Variants in SH3D19 observed in about 807,000 individuals in gnomAD.
The protein encoded by SH3D19 is SH3 domain containing 19, also known as SH3 domain-containing protein 19.
In SH3D19, 58 loss-of-function variants were observed where a neutral mutation model predicts 112.1. The observed-to-expected ratio is 0.52, with a 90% CI of 0.42 to 0.64. SH3D19 has a LOEUF of 0.64. Ranked by LOEUF, SH3D19 falls within the 30% of genes least tolerant of loss-of-function variation. The pLI is 0.00. For missense variants in SH3D19, 1,090 were observed against 1,263.4 expected (o/e 0.86, Z 2.08); for synonymous variants, 391 against 448.5 (o/e 0.87, Z 1.62).
chr4:151,299,266 G>A (rs1728093955), intron 1 of SH3D19, among the ~76,000 whole-genome samples: 1 of 152,154 alleles, frequency 6.6e-6, no homozygotes, highest in Non-Finnish European at 1.5e-5. Context: ...TTTAAATAAT[G>A]AAAACATTGT....
intron 1 of SH3D19, among the ~76,000 whole-genome samples, chr4:151,320,047 T>C (rs1730383774): frequency 6.6e-6 from 1 of 152,158 alleles, no homozygotes; most frequent in African/African-American, 2.4e-5. Flanking sequence ...AAGAAAATAA[T>C]ACCTACCTCA....
At chr4:151,271,146 G>A (rs1308075356) in intron 1 of SH3D19, among the ~76,000 whole-genome samples, 2 of 152,062 alleles carry the variant, frequency 1.3e-5, no homozygotes, top group Admixed American at 6.6e-5. Context: ...GGCTGGTCTT[G>A]AATTCCTAAG....
chr4:151,215,185 G>A (rs1322893258), intron 2 of SH3D19, among the ~76,000 whole-genome samples: 2 of 152,232 alleles, frequency 1.3e-5, no homozygotes, highest in Non-Finnish European at 2.9e-5. Flanking sequence ...GCCTCCCAAA[G>A]TGTTGCGAAT....
intron 1 of SH3D19, among the ~76,000 whole-genome samples, chr4:151,299,000 A>C (rs1306325073): frequency 6.6e-6 from 1 of 152,096 alleles, no homozygotes; most frequent in Non-Finnish European, 1.5e-5. Flanking sequence ...TCACCCTCTA[A>C]CCTTTCTTCT....
intron 17 of SH3D19, 143 bp from the exon 18 acceptor site, chr4:151,128,499 CTTTATGTTG>C: frequency 3.8e-6 from 2 of 526,034 alleles, no homozygotes; most frequent in South Asian, 4.7e-5. Context: ...TTATCTAATA[CTTTATGTTG>C]CTATCAAGTT....
intron 2 of SH3D19, among the ~76,000 whole-genome samples, chr4:151,221,334 A>G (rs1432687973): frequency 2.1e-5 from 1 of 47,562 alleles, no homozygotes; most frequent in Admixed American, 2.6e-4. Flanking sequence ...CTTTTTGTTT[A>G]TATTTTCTTC....
intron 14 of SH3D19, among the ~76,000 whole-genome samples, chr4:151,135,931 G>A (rs1349745857): frequency 6.6e-6 from 1 of 152,124 alleles, no homozygotes; most frequent in East Asian, 1.9e-4. Context: ...AGCACTCTGG[G>A]AGGATCAGGA....
chr4:151,162,032 C>T (rs1345081867), intron 8 of SH3D19, among the ~76,000 whole-genome samples: 1 of 150,752 alleles, frequency 6.6e-6, no homozygotes, highest in Non-Finnish European at 1.5e-5. Flanking sequence ...TGCTGAACAC[C>T]CAAGTTTGTT....
At chr4:151,194,337 AT>A (rs1763095291) in intron 2 of SH3D19, among the ~76,000 whole-genome samples, 2 of 149,524 alleles carry the variant, frequency 1.3e-5, no homozygotes, top group Admixed American at 1.3e-4. Flanking sequence ...AGTAGGATTA[AT>A]TTTTATGATT....
intron 9 of SH3D19, among the ~76,000 whole-genome samples, chr4:151,150,206 A>AAAATATATAT (rs1273707426): frequency 2.2e-5 from 1 of 46,160 alleles, no homozygotes; most frequent in African/African-American, 7.2e-5. Flanking sequence ...AAAAAAAAAA[A>AAAATATATAT]ATATATATAT....
chr4:151,295,994 C>CCACT (rs1775678785), intron 1 of SH3D19, among the ~76,000 whole-genome samples: 2 of 150,032 alleles, frequency 1.3e-5, no homozygotes, highest in African/African-American at 4.9e-5. Context: ...TGAGATCGTA[C>CCACT]CACTGCACTC....
chr4:151,318,086 A>G (rs1730168681), intron 1 of SH3D19, among the ~76,000 whole-genome samples: 1 of 151,884 alleles, frequency 6.6e-6, no homozygotes, highest in South Asian at 2.1e-4. Flanking sequence ...TCACGAGGTC[A>G]GGAGTTCAAG....
In SH3D19 at chr4:151,120,578, T is replaced by A. The variant is rs1747838413; in HGVS notation, c.*1513A>T. ...ACTTTTGAGTGAAATTTGACAAGAA[T>A]TTTCTTTATACTCTCTTCTTTACCA... On this transcript the variant is annotated 3_prime_UTR_variant, in exon 20 of 20. Coordinates refer to ENST00000604030, the MANE Select transcript of SH3D19 (RefSeq NM_001378122.1). 6.6e-6 allele frequency: 1 copy of A among 152,206 alleles called. No homozygotes were observed. Among genetic ancestry groups the A allele is most frequent in the South Asian group, 2.1e-4 (1 of 4,828 alleles). The allele number at this position is 152,206 out of a possible 1,614,324, so 9.4% of individuals were successfully genotyped here.
intron 1 of SH3D19, among the ~76,000 whole-genome samples, chr4:151,237,350 G>A (rs1770180388): frequency 6.6e-6 from 1 of 151,872 alleles, no homozygotes; most frequent in African/African-American, 2.4e-5. Context: ...CTTTGATTTT[G>A]CATTGCTTAG....
intron 2 of SH3D19, among the ~76,000 whole-genome samples, chr4:151,208,678 T>A (rs1381560395): frequency 1.3e-5 from 1 of 78,130 alleles, no homozygotes; most frequent in South Asian, 4.0e-4. Flanking sequence ...CCCCAGGAAA[T>A]CTCTTTTTTT....
chr4:151,272,763 CTT>C (rs548803369), intron 1 of SH3D19, among the ~76,000 whole-genome samples: 1 of 142,716 alleles, frequency 7.0e-6, no homozygotes, highest in Non-Finnish European at 1.5e-5. Flanking sequence ...TTTCACTTTT[CTT>C]TTTTTTTTTT....
chr4:151,224,168 G>T (rs1249665273), intron 2 of SH3D19, among the ~76,000 whole-genome samples: 1 of 152,122 alleles, frequency 6.6e-6, no homozygotes, highest in Non-Finnish European at 1.5e-5. Context: ...AATTAGCCAG[G>T]CATGGTGGCG....
Position 151,271,594 on chromosome 4 carries a change from C to T in SH3D19, c.113-45508G>A, listed in dbSNP as rs1773228972. On this transcript the variant is annotated intron_variant, in intron 1 of 19. Transcript: ENST00000604030. ...TGCAATGAACAGGCTAGCTACCCCA[C>T]AACAAAGAATCATCTGGCCCAAAAT... Among the ~76,000 whole-genome samples the T allele has an allele frequency of 2.6e-5, 4 of 152,134 alleles. No homozygotes were observed. In the South Asian group the frequency reaches 8.3e-4, roughly 32 times the overall value.
intron 1 of SH3D19, among the ~76,000 whole-genome samples, chr4:151,308,556 T>C (rs948984337): frequency 1.3e-5 from 2 of 152,226 alleles, no homozygotes; most frequent in African/African-American, 4.8e-5. Context: ...GGGTTTGCCA[T>C]ACACCTCCAA....
Sources: gnomAD v4.1 joint callset for allele counts (sites outside exome capture counted in the v4.1 genomes callset) on GRCh38, gnomAD v4.1.1 for gene constraint, MANE v1.5 for transcripts, NCBI Gene and HGNC (gene_info 2026-07-23, HGNC 2026-07-21) for gene names.